The following SYNPR variants were observed in gnomAD, a reference collection of about 807,000 sequenced individuals.
SYNPR encodes the protein synaptoporin.
Under a neutral mutation model 32.9 loss-of-function variants are expected in SYNPR, and 23 were observed. The observed-to-expected ratio is 0.70, with a 90% CI of 0.50 to 0.99. The LOEUF (loss-of-function observed/expected upper bound fraction) is 0.99, where lower values mean the gene tolerates loss of function less well. SYNPR is among the 50% of genes least tolerant of loss of function. SYNPR has a pLI of 0.00. For missense variants in SYNPR, 318 were observed against 349.3 expected (o/e 0.91, Z 0.71); for synonymous variants, 146 against 135.9 (o/e 1.07, Z -0.52).
the SYNPR span, among the ~76,000 whole-genome samples, chr3:63,219,780 T>C: frequency 2.0e-5 from 3 of 152,146 alleles, no homozygotes; most frequent in African/African-American, 4.8e-5. Flanking sequence ...TGTCTTCACG[T>C]TGAGTAGACT....
chr3:63,313,215 T>A (rs531931235), intron 2 of SYNPR, among the ~76,000 whole-genome samples: 1 of 152,008 alleles, frequency 6.6e-6, no homozygotes, highest in Non-Finnish European at 1.5e-5. Flanking sequence ...TTGATCTGAT[T>A]TTTTTTATTA....
At chr3:63,497,573 G>A (rs1319450915) in intron 3 of SYNPR, among the ~76,000 whole-genome samples, 3 of 149,302 alleles carry the variant, frequency 2.0e-5, no homozygotes, top group African/African-American at 7.4e-5. Flanking sequence ...TTTCTTGTCA[G>A]TGTGAACCAC....
chr3:63,545,425 T>G (rs191712631), intron 3 of SYNPR: 7 of 152,208 alleles, frequency 4.6e-5, no homozygotes, highest in Admixed American at 3.9e-4. Flanking sequence ...TGAGGCTATT[T>G]AGAAAATTAT....
At chr3:63,303,585 C>A (rs975409598) in intron 2 of SYNPR, among the ~76,000 whole-genome samples, 16 of 151,990 alleles carry the variant, frequency 1.1e-4, no homozygotes, top group Admixed American at 6.6e-4. Flanking sequence ...TCAGCTTAAC[C>A]TGTAATCAAG....
intron 2 of SYNPR, among the ~76,000 whole-genome samples, chr3:63,456,987 G>A (rs188400305): frequency 4.7e-4 from 72 of 152,142 alleles, no homozygotes; most frequent in African/African-American, 1.6e-3. Flanking sequence ...TCTTTGCAGC[G>A]GGGCCTCTGA....
At chr3:63,397,946 A>G (rs1044055202) in intron 2 of SYNPR, among the ~76,000 whole-genome samples, 3 of 152,230 alleles carry the variant, frequency 2.0e-5, no homozygotes, top group Admixed American at 2.0e-4. Flanking sequence ...TCATTTTGAT[A>G]TATGTAAAAT....
the SYNPR span, among the ~76,000 whole-genome samples, chr3:63,202,079 TG>T: frequency 6.6e-6 from 1 of 152,140 alleles, no homozygotes; most frequent in Non-Finnish European, 1.5e-5. Flanking sequence ...CAAAAGAAAG[TG>T]GGCCTGGGAT....
intron 1 of SYNPR, among the ~76,000 whole-genome samples, chr3:63,251,717 G>A (rs111476941): frequency 6.6e-6 from 1 of 152,042 alleles, no homozygotes; most frequent in Admixed American, 6.6e-5. Context: ...TACGTAATCA[G>A]TGACCGAGGA....
rs1051086941 is a variant in SYNPR, at chr3:63,560,680, T to C, written c.408+3939T>C. 3.9e-5 allele frequency among the ~76,000 whole-genome samples: 6 copies of C among 152,296 alleles called. No individual in the cohort carries two copies. In the South Asian group the frequency reaches 8.3e-4, roughly 21 times the overall value. On this transcript the variant is annotated intron_variant, in intron 4 of 5. Transcript: ENST00000478300. ...GGAGGCCTCAGGAAATTTACGATCATGGTGGAAGGCACCTCTTCATAGGGC... is the reference window on the plus strand; with the variant it reads ...GGAGGCCTCAGGAAATTTACGATCACGGTGGAAGGCACCTCTTCATAGGGC...
intron 2 of SYNPR, among the ~76,000 whole-genome samples, chr3:63,312,364 T>C (rs994367614): frequency 6.6e-6 from 1 of 152,018 alleles, no homozygotes; most frequent in African/African-American, 2.4e-5. Context: ...TCCTACCAGT[T>C]GGGACCTAGG....
intron 2 of SYNPR, among the ~76,000 whole-genome samples, chr3:63,408,718 A>T (rs548248231): frequency 1.2e-3 from 176 of 152,146 alleles, no homozygotes; most frequent in Non-Finnish European, 2.3e-3. Flanking sequence ...CTGAGCCCTC[A>T]ATGGATTGGA....
intron 2 of SYNPR, among the ~76,000 whole-genome samples, chr3:63,470,708 G>A (rs946441205): frequency 1.3e-5 from 2 of 152,026 alleles, no homozygotes; most frequent in African/African-American, 4.8e-5. Context: ...TCTTCCTCTT[G>A]CCCACCTCCC....
At chr3:63,441,383 ATTAAGTAT>A (rs1262576560) in intron 2 of SYNPR, among the ~76,000 whole-genome samples, 1 of 152,216 alleles carries the variant, frequency 6.6e-6, no homozygotes, top group Non-Finnish European at 1.5e-5. Context: ...TGAAGAAACA[ATTAAGTAT>A]GGTTCTACCC....
chr3:63,330,492 C>T (rs963083529), intron 2 of SYNPR, among the ~76,000 whole-genome samples: 3 of 151,890 alleles, frequency 2.0e-5, no homozygotes, highest in Non-Finnish European at 4.4e-5. Context: ...CATGCAGCCA[C>T]GGGTTCAAGT....
chr3:63,454,936 G>T (rs2106641179), intron 2 of SYNPR, among the ~76,000 whole-genome samples: 1 of 152,222 alleles, frequency 6.6e-6, no homozygotes, highest in East Asian at 1.9e-4. Context: ...GAAAATGTTA[G>T]ACTTATATGT....
intron 2 of SYNPR, among the ~76,000 whole-genome samples, chr3:63,369,400 A>G (rs1460717109): frequency 6.6e-6 from 1 of 152,240 alleles, no homozygotes. Flanking sequence ...AAAGAGGAGC[A>G]CCCAGTATAG....
intron 1 of SYNPR, among the ~76,000 whole-genome samples, chr3:63,249,035 T>G (rs1479870884): frequency 6.6e-6 from 1 of 152,166 alleles, no homozygotes; most frequent in African/African-American, 2.4e-5. Flanking sequence ...TGCCTTAAAT[T>G]CTGTGTAATT....
intron 2 of SYNPR, among the ~76,000 whole-genome samples, chr3:63,317,957 G>A (rs769007158): frequency 6.6e-6 from 1 of 151,944 alleles, no homozygotes; most frequent in Non-Finnish European, 1.5e-5. Flanking sequence ...TGGTAATGGT[G>A]AATTCTCTCA....
chr3:63,277,739 C>T (rs1175281424), upstream of SYNPR, among the ~76,000 whole-genome samples: 1 of 152,170 alleles, frequency 6.6e-6, no homozygotes. Context: ...GGATCCCCTG[C>T]CCTGTGCCCA....
Sources: allele counts gnomAD v4.1 joint callset (sites outside exome capture counted in the v4.1 genomes callset), GRCh38; gene constraint gnomAD v4.1.1; transcripts MANE v1.5; gene names NCBI Gene and HGNC (gene_info 2026-07-23, HGNC 2026-07-21).